DNAJC7: variants seen among roughly 807,000 people sequenced by gnomAD.
DNAJC7 encodes dnaJ homolog subfamily C member 7.
Under a neutral mutation model 67.4 loss-of-function variants are expected in DNAJC7, and 18 were observed. The observed-to-expected ratio is 0.27, with a 90% CI of 0.18 to 0.40. DNAJC7 has a LOEUF of 0.40. DNAJC7 is among the 10% of genes least tolerant of loss of function. The pLI is 1.00. For missense variants in DNAJC7, 419 were observed against 613.8 expected, an observed-to-expected ratio of 0.68 and a Z score of 3.35; for synonymous variants, 220 against 207.8, an observed-to-expected ratio of 1.06 and a Z score of -0.50.
Position 41,983,544 on chromosome 17 carries a change from C to G in DNAJC7, c.1084+19G>C. On this transcript the variant is annotated intron_variant, in intron 10 of 13. Coordinates refer to ENST00000457167, the MANE Select transcript of DNAJC7 (RefSeq NM_003315.4). ...GAAGTCCACACAGTTCCCTAAAAAACAAATGCTTTTAAACTTACCTTTTGT... is the reference window on the plus strand; with the variant it reads ...GAAGTCCACACAGTTCCCTAAAAAAGAAATGCTTTTAAACTTACCTTTTGT... 1 of 1,567,650 alleles carries G rather than the reference C, an allele frequency of 6.4e-7. No homozygotes were observed. The highest frequency in any genetic ancestry group is 8.7e-7 in the Non-Finnish European group (1 of 1,154,246).
intron 12 of DNAJC7, among the ~76,000 whole-genome samples, chr17:41,980,799 TGTGA>T (rs1277967999): frequency 6.6e-6 from 1 of 152,202 alleles, no homozygotes; most frequent in Non-Finnish European, 1.5e-5. Context: ...AATTAAAATC[TGTGA>T]GTGTTTATAG....
At chr17:41,982,151 C>A in intron 11 of DNAJC7, 104 bp downstream of exon 11, 1 of 1,550,814 alleles carries the variant, frequency 6.4e-7, no homozygotes, top group South Asian at 1.2e-5. Flanking sequence ...ACACCTTATT[C>A]TCAGCTGAAG....
At chr17:41,982,083 TTCTG>T (rs1180666106) in intron 11 of DNAJC7, 76 bp from the exon 12 acceptor site, 44 of 1,579,084 alleles carry the variant, frequency 2.8e-5, no homozygotes, top group South Asian at 4.7e-5. Flanking sequence ...AAAAACTACT[TTCTG>T]TCTAATTTTG....
intron 1 of DNAJC7, chr17:42,013,687 A>C (rs1384448055): frequency 1.3e-5 from 2 of 152,268 alleles, no homozygotes; most frequent in African/African-American, 4.8e-5. Flanking sequence ...TCCAGGACAC[A>C]TGAAAAACAT....
intron 2 of DNAJC7, among the ~76,000 whole-genome samples, chr17:41,997,706 G>A (rs975493977): frequency 6.6e-6 from 1 of 152,088 alleles, no homozygotes; most frequent in Non-Finnish European, 1.5e-5. Flanking sequence ...ATGGAGACAG[G>A]GTCTCACTCT....
At position 41,989,679 on chromosome 17, in the gene DNAJC7, C is replaced by T. The variant is rs2051464820; in HGVS notation, c.600-122G>A. The T allele has an allele frequency of 4.6e-6, 6 of 1,307,338 alleles. No homozygotes were observed. In the African/African-American group the frequency reaches 7.4e-5, roughly 16 times the overall value. 81.0% of individuals were successfully genotyped at this position (1,307,338 alleles called of 1,614,324 possible). ...AGCATTCAAAATATCCAAAGGTAGACAGATTCCCAAGAACTGTTCCCAAAC... is the reference window on the plus strand; with the variant it reads ...AGCATTCAAAATATCCAAAGGTAGATAGATTCCCAAGAACTGTTCCCAAAC... On this transcript the variant is annotated intron_variant, in intron 6 of 13. Transcript: ENST00000457167.
At chr17:41,993,826 CG>C (rs1370251598) in intron 5 of DNAJC7, among the ~76,000 whole-genome samples, 4 of 141,494 alleles carry the variant, frequency 2.8e-5, no homozygotes, top group Middle Eastern at 4.4e-3. Flanking sequence ...CACCTGAGGT[CG>C]GGAGTACGAG....
chr17:41,977,384 A>T, intron 12 of DNAJC7, 61 bp from the exon 13 acceptor site: 1 of 1,436,350 alleles, frequency 7.0e-7, no homozygotes, highest in Non-Finnish European at 9.6e-7. Flanking sequence ...AAATGTTCGA[A>T]GAGAACTGAT....
At chr17:41,995,039 G>A (rs2051619181) in intron 4 of DNAJC7, 95 bp from the exon 5 acceptor site, 1 of 1,027,414 alleles carries the variant, frequency 9.7e-7, no homozygotes, top group Non-Finnish European at 1.5e-6. Context: ...TTTGAATTCA[G>A]TAAATATACC....
intron 9 of DNAJC7, among the ~76,000 whole-genome samples, chr17:41,987,142 A>G (rs1598124145): frequency 6.6e-6 from 1 of 152,142 alleles, no homozygotes; most frequent in African/African-American, 2.4e-5. Context: ...TCTAAGAGTA[A>G]GAGGAGCAAC....
chr17:41,976,699 C>G lies in DNAJC7; in HGVS notation c.*34G>C, dbSNP rs2143067318. The G allele has an allele frequency of 1.2e-6, 2 of 1,606,454 alleles. No homozygotes were observed. The highest frequency in any genetic ancestry group is 4.5e-5 in the East Asian group (2 of 44,832). ...ACATTCAAGATTAAACTGAGTGAATCTGCATTTTCTGGGTTCTGGGTGGTT... is the reference window on the plus strand; with the variant it reads ...ACATTCAAGATTAAACTGAGTGAATGTGCATTTTCTGGGTTCTGGGTGGTT... On this transcript the variant is annotated 3_prime_UTR_variant, in exon 14 of 14. Coordinates refer to ENST00000457167, the MANE Select transcript of DNAJC7 (RefSeq NM_003315.4).
rs377197976 is a variant in DNAJC7 at position 42,017,390 on chromosome 17, C to T, written c.27G>A (p.Val9=). The change falls in exon 1 of 14, where the codon GTG becomes GTA. Residue 9 remains valine, a synonymous_variant. Coordinates refer to ENST00000457167, the MANE Select transcript of DNAJC7 (RefSeq NM_003315.4). ...GCTCCGGCTCGGTCGCCGCCATTAC[C>T]ACATCGCACTCCGCGGCAGCCGCCA... MAAAAECD[V]VMAATEPELL... The T allele has an allele frequency of 1.4e-5, 22 of 1,609,930 alleles. No homozygotes were observed. Among genetic ancestry groups the T allele is most frequent in the Admixed American group, 3.3e-5 (2 of 60,030 alleles).
In DNAJC7 at chr17:41,977,297, C is replaced by A; in HGVS notation, c.1411G>T (p.Ala471Ser). 2 of 1,584,928 alleles carry A rather than the reference C, an allele frequency of 1.3e-6. No individual in the cohort carries two copies. The highest frequency in any genetic ancestry group is 1.7e-6 in the Non-Finnish European group (2 of 1,165,590). Residue 471 changes from alanine (A) to serine (S), a missense_variant, in exon 13 of 14, where the codon GCA becomes TCA. By Grantham distance (99) the Ala-to-Ser change is moderately conservative. Transcript: ENST00000457167. ...AAGCCGCCAGGACCGCCAAAGAATG[C>A]CTTGAAGATATTGTTTGGATCAAAA... ...GDFDPNNIFK[A>S]FFGGPGGFSF...
In DNAJC7 at chr17:41,979,690, C is replaced by A. The variant is rs8066921; in HGVS notation, c.1384+2165G>T. Among the ~76,000 whole-genome samples the A allele has an allele frequency of 6.5e-5, 9 of 138,458 alleles. No individual in the cohort carries two copies. In the East Asian group the frequency reaches 1.4e-3, roughly 21 times the overall value. The allele number at this position is 138,458 out of a possible 152,430, so 90.8% of individuals were successfully genotyped here. A position where few individuals can be genotyped will look rare whatever the true frequency, so the allele number is the denominator to read the frequency against. On this transcript the variant is annotated intron_variant, in intron 12 of 13. Transcript: ENST00000457167. ...AAAAAAAAAAAAAAAAGGCCGGGCG[C>A]GGTGGCTCACGCCTGTAATTCCAGC... is the stretch of plus-strand genomic sequence containing the variant.
chr17:41,994,729 A>G (rs1272513768), intron 5 of DNAJC7, 141 bp downstream of exon 5: 4 of 679,700 alleles, frequency 5.9e-6, no homozygotes, highest in Non-Finnish European at 9.9e-6. Flanking sequence ...TTTAAGAGGA[A>G]AAGTCAGAAG....
intron 12 of DNAJC7, among the ~76,000 whole-genome samples, chr17:41,981,311 C>T (rs1029391088): frequency 2.6e-5 from 4 of 152,180 alleles, no homozygotes; most frequent in African/African-American, 7.2e-5. Flanking sequence ...ATTCTCATGC[C>T]TCGGCCTCCC....
intron 6 of DNAJC7, 104 bp downstream of exon 6, chr17:41,990,160 C>T: frequency 8.9e-7 from 1 of 1,122,590 alleles, no homozygotes; most frequent in African/African-American, 1.5e-5. Flanking sequence ...TCTGATCAGC[C>T]CTAGCTGGCC....
Position 41,988,712 on chromosome 17 carries a change from G to T in DNAJC7, c.918+20C>A, listed in dbSNP as rs574674771. 1.3e-5 allele frequency: 20 copies of T among 1,575,846 alleles called. No individual in the cohort carries two copies. In the African/African-American group the frequency reaches 2.5e-4, roughly 20 times the overall value. ...TTAAAAATATTTCTATAGGCCCCAA[G>T]ATCTAGATCAAGAGCTTACCTTGGA... On this transcript the variant is annotated intron_variant, in intron 8 of 13. Coordinates refer to ENST00000457167, the MANE Select transcript of DNAJC7 (RefSeq NM_003315.4).
chr17:41,988,354 A>G (rs2051433802), intron 8 of DNAJC7, among the ~76,000 whole-genome samples: 1 of 152,228 alleles, frequency 6.6e-6, no homozygotes, highest in Non-Finnish European at 1.5e-5. Context: ...ACCATCAATT[A>G]CACTGGAGAA....
Sources: allele counts gnomAD v4.1 joint callset (sites outside exome capture counted in the v4.1 genomes callset), GRCh38; gene constraint gnomAD v4.1.1; transcripts MANE v1.5; gene names NCBI Gene and HGNC (gene_info 2026-07-23, HGNC 2026-07-21).